Variants in STARD9 observed in about 807,000 individuals in gnomAD.
STARD9 encodes the protein stAR-related lipid transfer protein 9.
In STARD9, 346 loss-of-function variants were observed where a neutral mutation model predicts 399.8. The ratio of observed to expected loss-of-function variants is 0.87; its 90% CI spans 0.79 to 0.95. STARD9 has a LOEUF of 0.95. STARD9 is among the 40% of genes least tolerant of loss of function. The pLI is 0.00. For missense variants in STARD9, 5,832 were observed against 5,667.5 expected (o/e 1.03, Z -0.93); for synonymous variants, 2,203 against 2,143.5 (o/e 1.03, Z -0.77).
chr15:42,575,668 G>A lies in STARD9; in HGVS notation c.-48G>A. ...TGTCTGGGCTTAGGGCGGGGGCCTG[G>A]GATGCTGCCGCTGAGCTGACCCGCT... On this transcript the variant is annotated 5_prime_UTR_variant, in exon 1 of 33. Coordinates refer to ENST00000290607, the MANE Select transcript of STARD9 (RefSeq NM_020759.3). 2.0e-6 allele frequency: 3 copies of A among 1,533,034 alleles called. No individual in the cohort carries two copies. The South Asian group carries it at 3.6e-5, about 18-fold the overall frequency. 95.0% of individuals were successfully genotyped at this position (1,533,034 alleles called of 1,614,324 possible).
rs1265594715 is a variant in STARD9 at position 42,693,344 on chromosome 15, C to A, written c.11766C>A (p.Ala3922=). The part of the protein sequence containing the change: ...GLSPGSLTLS[A]PSTHPVEGHQ... ...CCCCAGGCTCTTTGACCCTCTCAGC[C>A]CCTTCAACTCACCCTGTTGAAGGCC... The change falls in exon 23 of 33, where the codon GCC becomes GCA. Residue 3922 remains alanine, a synonymous_variant. Coordinates refer to ENST00000290607, the MANE Select transcript of STARD9 (RefSeq NM_020759.3). The A allele has an allele frequency of 6.5e-7, 1 of 1,537,178 alleles. No homozygotes were observed. Among genetic ancestry groups the A allele is most frequent in the East Asian group, 2.4e-5 (1 of 40,906 alleles).
intron 26 of STARD9, among the ~76,000 whole-genome samples, chr15:42,705,147 G>C (rs573571036): frequency 3.3e-5 from 5 of 152,320 alleles, no homozygotes; most frequent in Admixed American, 6.5e-5. Context: ...CTAAGGCAAA[G>C]TCCCATGTCC....
rs1324012539 is a variant in STARD9 at position 42,689,314 on chromosome 15, A to G, written c.7736A>G (p.Glu2579Gly). The G allele has an allele frequency of 2.6e-6, 4 of 1,537,246 alleles. No individual in the cohort carries two copies. The East Asian group carries it at 7.3e-5, about 28-fold the overall frequency. Residue 2579 changes from glutamate to glycine, a missense_variant, in exon 23 of 33, where the codon GAA (glutamate) becomes GGA (glycine). This residue lies in a region of STARD9 where 5,828 missense variants were observed against 5,651.1 expected (regional missense o/e 1.03). Coordinates refer to ENST00000290607, the MANE Select transcript of STARD9 (RefSeq NM_020759.3). ...AGGGGCACAGTCCTTTCTTACTGTG[A>G]AACTTTACTAGAACCCGAATGTTCT... Reference protein sequence around the residue: ...VARGTVLSYCETLLEPECSSR... With the variant: ...VARGTVLSYCGTLLEPECSSR...
chr15:42,637,821 C>G, intron 4 of STARD9, 86 bp from the exon 5 acceptor site: 1 of 1,365,646 alleles, frequency 7.3e-7, no homozygotes, highest in Non-Finnish European at 1.0e-6. Flanking sequence ...ACTCATCCCC[C>G]ATGCTGAGGA....
In STARD9 at chr15:42,689,651, A is replaced by G. The variant is rs2060643047; in HGVS notation, c.8073A>G (p.Pro2691=). ...ELRQFAGASE[P]FICHSSSSEI... ...GGCAGTTCGCGGGAGCAAGTGAACC[A>G]TTTATATGTCACTCTAGTTCTTCTG... is the stretch of plus-strand genomic sequence containing the variant. The change falls in exon 23 of 33, where the codon CCA becomes CCG. Residue 2691 remains proline, a synonymous_variant. Transcript: ENST00000290607. 4.6e-6 allele frequency: 7 copies of G among 1,537,716 alleles called. No individual in the cohort carries two copies. In the East Asian group the frequency reaches 1.7e-4, roughly 38 times the overall value.
intron 3 of STARD9, among the ~76,000 whole-genome samples, chr15:42,604,626 ATTTTTTTTTTTTTTTTTT>A (rs11349330): frequency 1.8e-5 from 1 of 54,710 alleles, no homozygotes; most frequent in Admixed American, 2.9e-4. Flanking sequence ...GATCAAATTG[ATTTTTTTTTTTTTTTTTT>A]TTTTTTTTTT....
intron 3 of STARD9, among the ~76,000 whole-genome samples, chr15:42,588,539 A>G (rs2058326445): frequency 6.6e-6 from 1 of 152,038 alleles, no homozygotes. Flanking sequence ...GAAGGAAGGG[A>G]ACCTCTGTCA....
intron 3 of STARD9, among the ~76,000 whole-genome samples, chr15:42,623,713 G>C (rs548121692): frequency 6.6e-6 from 1 of 152,094 alleles, no homozygotes; most frequent in Non-Finnish European, 1.5e-5. Context: ...TGTTCTTTGG[G>C]AACTGTTTAA....
chr15:42,597,967 A>T (rs1437148095), intron 3 of STARD9, among the ~76,000 whole-genome samples: 2 of 136,612 alleles, frequency 1.5e-5, no homozygotes, highest in African/African-American at 5.5e-5. Flanking sequence ...CACTGCTCCC[A>T]GCCTGTGTGT....
intron 2 of STARD9, among the ~76,000 whole-genome samples, chr15:42,584,706 C>T (rs1480383307): frequency 6.6e-6 from 1 of 152,218 alleles, no homozygotes; most frequent in Non-Finnish European, 1.5e-5. Flanking sequence ...TGAGCAGCTA[C>T]ATTGCTTCTG....
chr15:42,593,952 G>A (rs2058454146), intron 3 of STARD9, among the ~76,000 whole-genome samples: 1 of 152,120 alleles, frequency 6.6e-6, no homozygotes, highest in Non-Finnish European at 1.5e-5. Flanking sequence ...ACAGGCGTGA[G>A]CCACCGCGTG....
intron 1 of STARD9, chr15:42,581,178 T>C (rs1351728423): frequency 2.6e-6 from 2 of 765,138 alleles, no homozygotes; most frequent in Non-Finnish European, 4.9e-6. Context: ...TTTCCTGTCA[T>C]GATTGTTCAA....
chr15:42,717,170 A>G lies in STARD9; in HGVS notation c.13494+122A>G, dbSNP rs2061366063. 12 of 1,088,292 alleles carry G rather than the reference A, an allele frequency of 1.1e-5. No homozygotes were observed. The East Asian group carries it at 2.9e-4, about 26-fold the overall frequency. 67.4% of individuals were successfully genotyped at this position (1,088,292 alleles called of 1,614,324 possible). On this transcript the variant is annotated intron_variant, in intron 28 of 32. Coordinates refer to ENST00000290607, the MANE Select transcript of STARD9 (RefSeq NM_020759.3). ...GAGCCCAAGGCTTGTGGGCATCTTC[A>G]GTGGTTCTTCATCTTGAGAAAAGGG...
At chr15:42,656,474 A>G (rs1330188675) in intron 9 of STARD9, among the ~76,000 whole-genome samples, 2 of 152,004 alleles carry the variant, frequency 1.3e-5, no homozygotes, top group Non-Finnish European at 2.9e-5. Context: ...TTAAAGAACT[A>G]CAGGTAGATT....
rs1228492080 is a variant in STARD9 at position 42,684,549 on chromosome 15, C to T, written c.2971C>T (p.Arg991Ter). 15 of 1,537,076 alleles carry T rather than the reference C, an allele frequency of 9.8e-6. No individual in the cohort carries two copies. The highest frequency in any genetic ancestry group is 7.3e-5 in the East Asian group (3 of 40,920). ...ADPSHTQAGW[R>*]KEGNLGTHKA... ...CCCTAGCCACACACAAGCTGGGTGG[C>T]GAAAAGAAGGGAACCTTGGGACCCA... The change falls in exon 23 of 33, where the codon CGA becomes TGA. Residue 991 changes from arginine to a stop codon, truncating the protein, a stop_gained. Coordinates refer to ENST00000290607, the MANE Select transcript of STARD9 (RefSeq NM_020759.3). LOFTEE classifies it high-confidence loss of function.
chr15:42,671,469 T>G (rs1356984535), intron 16 of STARD9: 1 of 152,148 alleles, frequency 6.6e-6, no homozygotes, highest in African/African-American at 2.4e-5. Context: ...CCTTTCTCCT[T>G]CCCCATTGGC....
intron 26 of STARD9, 62 bp from the exon 27 acceptor site, chr15:42,716,615 G>A: frequency 1.5e-5 from 16 of 1,055,126 alleles, no homozygotes; most frequent in Non-Finnish European, 2.1e-5. Context: ...GCAGTTCAGA[G>A]GCAGAGGAGA....
chr15:42,719,474 T>C lies in STARD9; in HGVS notation c.14003T>C (p.Val4668Ala). 2 of 1,534,422 alleles carry C rather than the reference T, an allele frequency of 1.3e-6. No individual in the cohort carries two copies. Among genetic ancestry groups the C allele is most frequent in the Non-Finnish European group, 1.7e-6 (2 of 1,144,358 alleles). ...AAATTCTTCTCTCTCTGCTTTCAGG[T>C]GGAACTTGGTGCTCCAGGCTTCCCA... ...EVTRVIYLAQ[V>A]ELGAPGFPPQ... Residue 4668 changes from valine to alanine, a missense_variant and splice_region_variant, in exon 33 of 33, where the codon GTG becomes GCG. By Grantham distance (64) the Val-to-Ala change is moderately conservative. Transcript: ENST00000290607.
chr15:42,636,258 C>G (rs1251854238), intron 4 of STARD9, among the ~76,000 whole-genome samples: 1 of 151,994 alleles, frequency 6.6e-6, no homozygotes, highest in African/African-American at 2.4e-5. Context: ...ATGATCTTGC[C>G]ACTGTACTCC....
Sources: gnomAD v4.1 joint callset for allele counts (sites outside exome capture counted in the v4.1 genomes callset) on GRCh38, gnomAD v4.1.1 for gene constraint, gnomAD v4.1.1 regional missense constraint, MANE v1.5 for transcripts, NCBI Gene and HGNC (gene_info 2026-07-23, HGNC 2026-07-21) for gene names.